MIPEP: variants seen among roughly 807,000 people sequenced by gnomAD.
MIPEP encodes mitochondrial intermediate peptidase.
Under a neutral mutation model 90.3 loss-of-function variants are expected in MIPEP, and 79 were observed. The ratio of observed to expected loss-of-function variants is 0.87; its 90% CI spans 0.73 to 1.05. The LOEUF (loss-of-function observed/expected upper bound fraction) is 1.05. MIPEP is among the 50% of genes least tolerant of loss of function. MIPEP has a pLI of 0.00. For synonymous variants in MIPEP, 334 were observed against 315.8 expected (o/e 1.06, Z -0.61); for missense variants, 940 against 905.6 (o/e 1.04, Z -0.49).
At position 23,750,824 on chromosome 13, in the gene MIPEP, C is replaced by T. The variant is rs186738121; in HGVS notation, c.2044+5721G>A. ...ATGTATTTAATACTTTGTATCACAT[C>T]CCAAGACTGTGATTTATTTGGCTGC... On this transcript the variant is annotated intron_variant, in intron 18 of 18. Coordinates refer to ENST00000382172, the MANE Select transcript of MIPEP (RefSeq NM_005932.4). 2.1e-3 allele frequency among the ~76,000 whole-genome samples: 323 copies of T among 152,314 alleles called. 1 individual carries two copies. The highest frequency in any genetic ancestry group is 3.6e-3 in the Non-Finnish European group (244 of 68,032).
chr13:23,783,286 G>A (rs1387892344), intron 16 of MIPEP, among the ~76,000 whole-genome samples: 1 of 152,184 alleles, frequency 6.6e-6, no homozygotes, highest in Non-Finnish European at 1.5e-5. Context: ...GGGATGCAAG[G>A]CTGGTTCAAC....
chr13:23,801,502 G>T (rs1336958843), intron 16 of MIPEP, among the ~76,000 whole-genome samples: 1 of 152,166 alleles, frequency 6.6e-6, no homozygotes, highest in African/African-American at 2.4e-5. Flanking sequence ...TTAGTAGAAA[G>T]AATGACAAAG....
intron 15 of MIPEP, among the ~76,000 whole-genome samples, chr13:23,808,154 A>G (rs1953132532): frequency 6.6e-6 from 1 of 150,898 alleles, no homozygotes; most frequent in Non-Finnish European, 1.5e-5. Context: ...GCTGGAGTGC[A>G]GTGGCGCGAT....
chr13:23,873,965 A>C (rs1870947786), intron 5 of MIPEP, among the ~76,000 whole-genome samples: 1 of 152,144 alleles, frequency 6.6e-6, no homozygotes, highest in Non-Finnish European at 1.5e-5. Context: ...AGCATTACTC[A>C]AACTCAGCAC....
At chr13:23,833,158 T>C (rs2312560) in intron 14 of MIPEP, among the ~76,000 whole-genome samples, 14,779 of 152,256 alleles carry the variant, frequency 0.097, 2,375 homozygotes, top group African/African-American at 0.33. Context: ...CCTTGTGAGA[T>C]TAAATGCCAT....
chr13:23,862,871 T>A (rs1870372280), intron 8 of MIPEP, among the ~76,000 whole-genome samples: 2 of 152,210 alleles, frequency 1.3e-5, no homozygotes, highest in South Asian at 4.1e-4. Context: ...TGTAAAATGA[T>A]GAAGCTATGC....
At chr13:23,797,461 C>A (rs906183536) in intron 16 of MIPEP, among the ~76,000 whole-genome samples, 1 of 152,206 alleles carries the variant, frequency 6.6e-6, no homozygotes, top group Non-Finnish European at 1.5e-5. Context: ...ACGTCATCCC[C>A]ACCCCCACAG....
chr13:23,761,167 A>G (rs1034759136), intron 16 of MIPEP, among the ~76,000 whole-genome samples: 9 of 151,950 alleles, frequency 5.9e-5, no homozygotes, highest in Non-Finnish European at 1.2e-4. Context: ...GCTAAGAACC[A>G]AAGATAACCA....
At chr13:23,759,951 G>A (rs1166052901) in intron 17 of MIPEP, 145 bp downstream of exon 17, 5 of 988,168 alleles carry the variant, frequency 5.1e-6, no homozygotes, top group Middle Eastern at 2.7e-4. Context: ...GCCAAGTGGG[G>A]CGAGGCTGTG....
intron 16 of MIPEP, among the ~76,000 whole-genome samples, chr13:23,788,852 C>T (rs1952874017): frequency 6.6e-6 from 1 of 151,972 alleles, no homozygotes; most frequent in Non-Finnish European, 1.5e-5. Flanking sequence ...GTTCTTGGTC[C>T]CTCCTTTTAA....
chr13:23,859,800 C>T (rs954443932), intron 9 of MIPEP, among the ~76,000 whole-genome samples: 1 of 152,228 alleles, frequency 6.6e-6, no homozygotes, highest in Non-Finnish European at 1.5e-5. Flanking sequence ...GTTGGCTACT[C>T]TCCTTATTAC....
At chr13:23,860,093 G>T (rs1870223585) in intron 9 of MIPEP, among the ~76,000 whole-genome samples, 1 of 152,202 alleles carries the variant, frequency 6.6e-6, no homozygotes, top group South Asian at 2.1e-4. Context: ...AAAACAAGAG[G>T]ATGATAGCCT....
intron 10 of MIPEP, among the ~76,000 whole-genome samples, chr13:23,852,901 C>G (rs896234707): frequency 6.6e-6 from 1 of 151,792 alleles, no homozygotes; most frequent in African/African-American, 2.4e-5. Flanking sequence ...CCTGTGTAAG[C>G]CTTGGCTAAT....
At chr13:23,774,999 A>G (rs1395733883) in intron 16 of MIPEP, among the ~76,000 whole-genome samples, 2 of 151,752 alleles carry the variant, frequency 1.3e-5, no homozygotes, top group Non-Finnish European at 2.9e-5. Context: ...GGGTTTTGCC[A>G]TGTTGACCAG....
At chr13:23,766,316 C>T (rs1405235620) in intron 16 of MIPEP, among the ~76,000 whole-genome samples, 2 of 152,180 alleles carry the variant, frequency 1.3e-5, no homozygotes, top group Non-Finnish European at 2.9e-5. Flanking sequence ...AGACTCTAAA[C>T]AAACAATGGG....
At chr13:23,827,306 T>A (rs576927469) in intron 14 of MIPEP, among the ~76,000 whole-genome samples, 2 of 152,320 alleles carry the variant, frequency 1.3e-5, no homozygotes, top group African/African-American at 4.8e-5. Flanking sequence ...AGTAACTTTA[T>A]GTGAATAAGC....
chr13:23,840,574 A>C (rs1159319905), intron 11 of MIPEP, among the ~76,000 whole-genome samples: 7 of 152,220 alleles, frequency 4.6e-5, no homozygotes, highest in Non-Finnish European at 8.8e-5. Context: ...ATAGTGAAGT[A>C]AATCAATGCA....
chr13:23,807,401 T>C (rs1210704426), intron 15 of MIPEP, among the ~76,000 whole-genome samples: 3 of 152,202 alleles, frequency 2.0e-5, no homozygotes, highest in Admixed American at 6.5e-5. Flanking sequence ...GAAATGGGAT[T>C]TGTAGAGAAT....
chr13:23,748,638 T>A (rs1184498612), intron 18 of MIPEP, among the ~76,000 whole-genome samples: 1 of 152,230 alleles, frequency 6.6e-6, no homozygotes, highest in East Asian at 1.9e-4. Context: ...TATCTTTTAA[T>A]ATTTAATGTA....
Sources: gnomAD v4.1 joint callset for allele counts (sites outside exome capture counted in the v4.1 genomes callset) on GRCh38, gnomAD v4.1.1 for gene constraint, MANE v1.5 for transcripts, NCBI Gene and HGNC (gene_info 2026-07-23, HGNC 2026-07-21) for gene names.